Variants in CIB4 observed in about 807,000 individuals in gnomAD.
CIB4 encodes calcium and integrin-binding family member 4.
Under a neutral mutation model 25.8 loss-of-function variants are expected in CIB4, and 25 were observed. The ratio of observed to expected loss-of-function variants is 0.97; its 90% CI spans 0.71 to 1.35. The LOEUF is 1.35. Ranked by LOEUF, CIB4 falls within the 40% of genes most tolerant of loss-of-function variation. CIB4 has a pLI of 0.00. For missense variants in CIB4, 235 were observed against 228.2 expected, an observed-to-expected ratio of 1.03 and a Z score of -0.19; for synonymous variants, 75 against 81.4, an observed-to-expected ratio of 0.92 and a Z score of 0.42.
At chr2:26,616,882 T>TG (rs1183957787) in intron 3 of CIB4, among the ~76,000 whole-genome samples, 1 of 152,016 alleles carries the variant, frequency 6.6e-6, no homozygotes, top group Non-Finnish European at 1.5e-5. Flanking sequence ...ACAGAAGTCT[T>TG]GGGGGAAGGG....
At chr2:26,622,888 C>A (rs181286797) in intron 3 of CIB4, among the ~76,000 whole-genome samples, 2 of 152,142 alleles carry the variant, frequency 1.3e-5, no homozygotes, top group East Asian at 3.9e-4. Flanking sequence ...AAGGCTGGGG[C>A]AGAAGAATTG....
intron 2 of CIB4, 152 bp downstream of exon 2, chr2:26,640,381 T>G (rs1558578051): frequency 1.3e-6 from 1 of 758,118 alleles, no homozygotes; most frequent in African/African-American, 1.8e-5. Flanking sequence ...GGCCCTCCCA[T>G]CCCTGCCTGC....
At chr2:26,624,019 C>T (rs1458816033) in intron 3 of CIB4, among the ~76,000 whole-genome samples, 1 of 152,244 alleles carries the variant, frequency 6.6e-6, no homozygotes, top group East Asian at 1.9e-4. Flanking sequence ...AAAGGGGGCA[C>T]TGTGTCCTGT....
chr2:26,629,297 T>A (rs1359952895), intron 3 of CIB4, 113 bp downstream of exon 3: 3 of 694,014 alleles, frequency 4.3e-6, no homozygotes, highest in East Asian at 5.4e-5. Flanking sequence ...TGGAGTGAGG[T>A]GACCATCCCA....
chr2:26,601,229 AAAATATATATATAT>A (rs1460553226), intron 3 of CIB4, among the ~76,000 whole-genome samples: 372 of 25,372 alleles, frequency 0.015, 21 homozygotes, highest in East Asian at 0.042. Context: ...AAAAAAAAAA[AAAATATATATATAT>A]ATATATATAT....
At chr2:26,586,634 T>C (rs1445779647) in intron 4 of CIB4, among the ~76,000 whole-genome samples, 1 of 152,188 alleles carries the variant, frequency 6.6e-6, no homozygotes. Flanking sequence ...AAATAACGAA[T>C]GAACTACCCA....
chr2:26,615,337 C>T lies in CIB4; in HGVS notation c.186+14073G>A, dbSNP rs538317627. 8.5e-5 allele frequency among the ~76,000 whole-genome samples: 13 copies of T among 152,290 alleles called. 1 individual carries two copies. Among genetic ancestry groups the T allele is most frequent in the South Asian group, 6.2e-4 (3 of 4,824 alleles). ...TGAGCAGTGGGAAGTGTTACCCATC[C>T]GTTGTCCCCTGCAAGAGGTACCACA... On this transcript the variant is annotated intron_variant, in intron 3 of 6. Transcript: ENST00000288861.
At position 26,640,592 on chromosome 2, in the gene CIB4, C is replaced by T. The variant is rs201996828; in HGVS notation, c.55-25G>A. On this transcript the variant is annotated intron_variant, in intron 1 of 6. Coordinates refer to ENST00000288861, the MANE Select transcript of CIB4 (RefSeq NM_001029881.3). Reference sequence around the variant, plus strand: ...CCTGCAACAAATCACAGAGAAGCGACGTGTCCACTCCATTCATCCCTGCTG... The same window carrying T: ...CCTGCAACAAATCACAGAGAAGCGATGTGTCCACTCCATTCATCCCTGCTG... The T allele has an allele frequency of 1.8e-4, 290 of 1,609,712 alleles. No homozygotes were observed. The African/African-American group carries it at 3.0e-3, about 17-fold the overall frequency.
At chr2:26,618,503 A>G (rs1396376920) in intron 3 of CIB4, among the ~76,000 whole-genome samples, 1 of 152,150 alleles carries the variant, frequency 6.6e-6, no homozygotes, top group African/African-American at 2.4e-5. Context: ...TAGTGAGATC[A>G]AGACCAGGCT....
Position 26,627,680 on chromosome 2 carries a change from A to G in CIB4, c.186+1730T>C, listed in dbSNP as rs1392893337. On this transcript the variant is annotated intron_variant, in intron 3 of 6. Coordinates refer to ENST00000288861, the MANE Select transcript of CIB4 (RefSeq NM_001029881.3). The surrounding 1 kb of genome is among the most constrained non-coding windows in gnomAD (Gnocchi z 4.0). ...CCCATTTTGTTTCTGTCACAGTCAC[A>G]GTCTCCGATTCACTCACCTTTCTGA... Among the ~76,000 whole-genome samples the G allele has an allele frequency of 6.6e-6, 1 of 152,136 alleles. No individual in the cohort carries two copies. Among genetic ancestry groups the G allele is most frequent in the Non-Finnish European group, 1.5e-5 (1 of 68,018 alleles).
intron 2 of CIB4, among the ~76,000 whole-genome samples, chr2:26,630,769 C>T (rs1464002743): frequency 3.9e-5 from 6 of 152,136 alleles, no homozygotes; most frequent in South Asian, 4.1e-4. Flanking sequence ...GTGTATGAAA[C>T]GTCAGCGCAG....
chr2:26,595,207 G>A lies in CIB4; in HGVS notation c.297C>T (p.Ser99=), dbSNP rs1369924871. 10 of 1,613,074 alleles carry A rather than the reference G, an allele frequency of 6.2e-6. No homozygotes were observed. Among genetic ancestry groups the A allele is most frequent in the Non-Finnish European group, 8.5e-6 (10 of 1,179,270 alleles). ...TGCGAAAGGCATACTCAATCTTCAGGCTTGGGCAGGCCTGCTCGCTGAACA... is the reference window on the plus strand; with the variant it reads ...TGCGAAAGGCATACTCAATCTTCAGACTTGGGCAGGCCTGCTCGCTGAACA... ...ASVFSEQACP[S]LKIEYAFRIY... Residue 99 remains serine, a synonymous_variant, in exon 4 of 7, where the codon AGC becomes AGT. Transcript: ENST00000288861.
chr2:26,629,515 A>G lies in CIB4; in HGVS notation c.90-9T>C. ...GGAAGGTGTCATGGATGCTGAAAAG[A>G]GAGGCATGAAGACCGTGTGGCCGGG... On this transcript the variant is annotated splice_polypyrimidine_tract_variant and intron_variant, in intron 2 of 6. Transcript: ENST00000288861. 1 of 1,542,672 alleles carries G rather than the reference A, an allele frequency of 6.5e-7. No homozygotes were observed. The highest frequency in any genetic ancestry group is 8.8e-7 in the Non-Finnish European group (1 of 1,134,384).
At chr2:26,617,729 A>G (rs934561209) in intron 3 of CIB4, among the ~76,000 whole-genome samples, 1 of 152,152 alleles carries the variant, frequency 6.6e-6, no homozygotes, top group Non-Finnish European at 1.5e-5. Context: ...GCCTGGGTTG[A>G]GGATGATCAA....
At chr2:26,606,922 A>T (rs1199985980) in intron 3 of CIB4, among the ~76,000 whole-genome samples, 1 of 152,196 alleles carries the variant, frequency 6.6e-6, no homozygotes, top group Non-Finnish European at 1.5e-5. Flanking sequence ...TAATGGAACA[A>T]ATAGGGAAGA....
At chr2:26,612,290 G>A (rs868333560) in intron 3 of CIB4, among the ~76,000 whole-genome samples, 13 of 152,200 alleles carry the variant, frequency 8.5e-5, no homozygotes, top group East Asian at 3.8e-4. Context: ...CAATAAGAAC[G>A]GAAGTTCAGT....
chr2:26,597,653 AT>A (rs1347091093), intron 3 of CIB4, among the ~76,000 whole-genome samples: 2 of 152,136 alleles, frequency 1.3e-5, no homozygotes, highest in Admixed American at 6.5e-5. Context: ...TTGTCCTTAA[AT>A]TTTTTTATTT....
chr2:26,616,442 G>T (rs1420387129), intron 3 of CIB4, among the ~76,000 whole-genome samples: 1 of 152,214 alleles, frequency 6.6e-6, no homozygotes, highest in East Asian at 1.9e-4. Context: ...TGGGCCCTTT[G>T]TTCTCTCTGT....
chr2:26,585,834 T>A (rs1033133286), intron 4 of CIB4, among the ~76,000 whole-genome samples: 4 of 152,060 alleles, frequency 2.6e-5, no homozygotes, highest in Non-Finnish European at 5.9e-5. Context: ...CCTCATATGC[T>A]ACCTGTCCAA....
Sources: allele counts gnomAD v4.1 joint callset (sites outside exome capture counted in the v4.1 genomes callset), GRCh38; gene constraint gnomAD v4.1.1; non-coding constraint Gnocchi (gnomAD v3.1); transcripts MANE v1.5; gene names NCBI Gene and HGNC (gene_info 2026-07-23, HGNC 2026-07-21).